The following SGCD variants were observed in gnomAD, a reference collection of about 807,000 sequenced individuals.
SGCD encodes delta-sarcoglycan.
SGCD carries 18 observed loss-of-function variants against 36.6 expected under a neutral mutation model. The ratio of observed to expected loss-of-function variants is 0.49; its 90% CI spans 0.34 to 0.73. The LOEUF is 0.73. SGCD is among the 30% of genes least tolerant of loss of function. The probability of loss-of-function intolerance (pLI) is 0.01; values close to 1 mark genes in which losing one functional copy is unlikely to be tolerated. For synonymous variants in SGCD, 133 were observed against 130.6 expected (o/e 1.02, Z -0.12); for missense variants, 387 against 346.7 (o/e 1.12, Z -0.92).
At chr5:156,244,395 C>T (rs1765389912) in intron 3 of SGCD, among the ~76,000 whole-genome samples, 1 of 152,178 alleles carries the variant, frequency 6.6e-6, no homozygotes, top group Non-Finnish European at 1.5e-5. Flanking sequence ...ATGGTAGCAA[C>T]ATCATATTCA....
chr5:156,180,189 A>G (rs1400277261), intron 3 of SGCD, among the ~76,000 whole-genome samples: 1 of 152,216 alleles, frequency 6.6e-6, no homozygotes, highest in Non-Finnish European at 1.5e-5. Context: ...CTATTAAAAA[A>G]CTGCAATAGC....
intron 1 of SGCD, among the ~76,000 whole-genome samples, chr5:156,050,616 G>A (rs1475583523): frequency 1.4e-5 from 2 of 146,366 alleles, no homozygotes; most frequent in African/African-American, 4.9e-5. Flanking sequence ...TATGGCTGCT[G>A]TGGTAAAGCA....
the SGCD span, among the ~76,000 whole-genome samples, chr5:155,788,406 A>C: frequency 6.6e-6 from 1 of 152,278 alleles, no homozygotes; most frequent in African/African-American, 2.4e-5. Context: ...GGGTAGTTTT[A>C]TGTGAATAAT....
chr5:156,506,189 T>G (rs1469443627), intron 3 of SGCD, among the ~76,000 whole-genome samples: 2 of 152,178 alleles, frequency 1.3e-5, no homozygotes, highest in Non-Finnish European at 2.9e-5. Context: ...GTGTGTGTTG[T>G]GAGTTAAATG....
At chr5:155,994,933 T>C (rs1218442753) in intron 1 of SGCD, among the ~76,000 whole-genome samples, 1 of 152,046 alleles carries the variant, frequency 6.6e-6, no homozygotes, top group African/African-American at 2.4e-5. Context: ...GCATAGAGAG[T>C]AGCTTAGCAA....
intron 7 of SGCD, among the ~76,000 whole-genome samples, chr5:156,744,501 T>C (rs564362545): frequency 3.3e-5 from 5 of 152,250 alleles, no homozygotes; most frequent in African/African-American, 1.2e-4. Context: ...TTGTCGTGGG[T>C]TCCAGTTCAT....
At chr5:156,674,175 G>C (rs941565664) in intron 7 of SGCD, among the ~76,000 whole-genome samples, 1 of 152,184 alleles carries the variant, frequency 6.6e-6, no homozygotes. Context: ...AAACATAATG[G>C]ATTGGACATG....
chr5:156,613,020 G>A (rs952914875), intron 6 of SGCD, among the ~76,000 whole-genome samples: 2 of 152,094 alleles, frequency 1.3e-5, no homozygotes, highest in African/African-American at 4.8e-5. Flanking sequence ...ATCACTCCTG[G>A]CTGCAAGTTA....
intron 6 of SGCD, among the ~76,000 whole-genome samples, chr5:156,620,608 G>A (rs2113496080): frequency 6.6e-6 from 1 of 152,294 alleles, no homozygotes. Flanking sequence ...TGTAATGGAT[G>A]GGGACAGAGT....
chr5:155,799,812 C>CTTTTTTTTTTT, the SGCD span, among the ~76,000 whole-genome samples: 4 of 58,790 alleles, frequency 6.8e-5, 1 homozygote, highest in African/African-American at 6.9e-5. Flanking sequence ...TCCTATTCCC[C>CTTTTTTTTTTT]TTTTTTTTTT....
chr5:155,811,704 A>G, the SGCD span, among the ~76,000 whole-genome samples: 1 of 152,172 alleles, frequency 6.6e-6, no homozygotes, highest in Admixed American at 6.5e-5. Context: ...ATAGACACAC[A>G]CAAGATAGTG....
intron 3 of SGCD, among the ~76,000 whole-genome samples, chr5:156,486,741 T>A (rs1755683878): frequency 6.6e-6 from 1 of 152,116 alleles, no homozygotes; most frequent in Non-Finnish European, 1.5e-5. Flanking sequence ...CCCTTTTGCC[T>A]GCTGCCACCA....
chr5:156,005,889 C>G (rs1019059795), intron 1 of SGCD, among the ~76,000 whole-genome samples: 1 of 152,252 alleles, frequency 6.6e-6, no homozygotes, highest in African/African-American at 2.4e-5. Context: ...TTCAGTGATC[C>G]GATGGCACAA....
rs763067309 is a variant in SGCD, at chr5:155,975,609, CTTTTTTTTTTTTTTTTTTTTTTTT to C, written c.-282+105199_-282+105222del. Among the ~76,000 whole-genome samples the C allele has an allele frequency of 4.4e-3, 122 of 28,026 alleles. 1 individual carries two copies. The highest frequency in any genetic ancestry group is 0.014 in the African/African-American group (106 of 7,622). The allele number at this position is 28,026 out of a possible 152,430, so 18.4% of individuals were successfully genotyped here. On this transcript the variant is annotated intron_variant, in intron 1 of 9. Transcript: ENST00000517913. ...TGTGTTATTTATTTTTCTTTCTTTC[CTTTTTTTTTTTTTTTTTTTTTTTT>C]TTTTTTTTTTTTTGAGACGGAGTTT...
At chr5:156,606,552 C>A (rs1471541813) in intron 6 of SGCD, among the ~76,000 whole-genome samples, 2 of 152,058 alleles carry the variant, frequency 1.3e-5, no homozygotes, top group African/African-American at 2.4e-5. Flanking sequence ...TCCATATGAA[C>A]TTTAAAGTAG....
intron 1 of SGCD, among the ~76,000 whole-genome samples, chr5:156,023,696 A>G (rs977236968): frequency 3.9e-5 from 6 of 152,154 alleles, no homozygotes; most frequent in South Asian, 4.1e-4. Flanking sequence ...ACGTTCAGAG[A>G]ATTATCTCAG....
chr5:156,725,273 C>T (rs935011528), intron 7 of SGCD, among the ~76,000 whole-genome samples: 2 of 152,096 alleles, frequency 1.3e-5, no homozygotes, highest in Non-Finnish European at 1.5e-5. Flanking sequence ...GATCAAGAAG[C>T]GTTGCATATC....
At chr5:155,981,981 C>T (rs1037513157) in intron 1 of SGCD, among the ~76,000 whole-genome samples, 6 of 152,162 alleles carry the variant, frequency 3.9e-5, no homozygotes, top group African/African-American at 1.4e-4. Flanking sequence ...GAAGGGAGGA[C>T]CCTGAGATCC....
At chr5:156,027,801 G>T (rs1306851652) in intron 1 of SGCD, among the ~76,000 whole-genome samples, 1 of 152,074 alleles carries the variant, frequency 6.6e-6, no homozygotes. Context: ...AATAAATTTG[G>T]CTAATTGTCA....
Sources: allele counts gnomAD v4.1 joint callset (sites outside exome capture counted in the v4.1 genomes callset), GRCh38; gene constraint gnomAD v4.1.1; transcripts MANE v1.5; gene names NCBI Gene and HGNC (gene_info 2026-07-23, HGNC 2026-07-21).